The following GALNT13 variants were observed in gnomAD, a reference collection of about 807,000 sequenced individuals.
GALNT13 encodes the protein UDP-GalNAc:polypeptide N-acetylgalactosaminyltransferase 13.
GALNT13 carries 28 observed loss-of-function variants against 64.2 expected under a neutral mutation model. That is an observed-to-expected ratio of 0.44 (90% CI 0.32 to 0.60). The LOEUF (loss-of-function observed/expected upper bound fraction) is 0.60, where lower values mean the gene tolerates loss of function less well. Ranked by LOEUF, GALNT13 falls within the 20% of genes least tolerant of loss-of-function variation. The pLI, the probability that GALNT13 is intolerant of heterozygous loss-of-function variation, is 0.05. For missense variants in GALNT13, 577 were observed against 669.8 expected (o/e 0.86, Z 1.53); for synonymous variants, 214 against 224.6 (o/e 0.95, Z 0.42).
chr2:154,021,339 A>T (rs1372113507), intron 3 of GALNT13, among the ~76,000 whole-genome samples: 1 of 152,156 alleles, frequency 6.6e-6, no homozygotes, highest in African/African-American at 2.4e-5. Context: ...ATGAGCATGG[A>T]ATGTTCTTCC....
At chr2:153,914,123 C>T (rs2105322118) in intron 2 of GALNT13, among the ~76,000 whole-genome samples, 1 of 152,274 alleles carries the variant, frequency 6.6e-6, no homozygotes, top group East Asian at 1.9e-4. Flanking sequence ...AATCTTATAG[C>T]TTTATTGTAT....
chr2:154,288,892 G>A (rs948077578), intron 8 of GALNT13, among the ~76,000 whole-genome samples: 1 of 152,216 alleles, frequency 6.6e-6, no homozygotes, highest in Non-Finnish European at 1.5e-5. Flanking sequence ...ACCATTCTAG[G>A]GTCTGGAGGA....
intron 3 of GALNT13, among the ~76,000 whole-genome samples, chr2:154,068,596 A>C (rs10460324): frequency 6.6e-6 from 1 of 151,752 alleles, no homozygotes; most frequent in Non-Finnish European, 1.5e-5. Context: ...ATTGGAGATC[A>C]TTATGTTAAG....
intron 4 of GALNT13, among the ~76,000 whole-genome samples, chr2:154,174,189 C>T (rs1685521226): frequency 6.6e-6 from 1 of 152,144 alleles, no homozygotes; most frequent in Non-Finnish European, 1.5e-5. Context: ...GTCTCAACCC[C>T]TTCACTGATT....
At chr2:153,256,345 G>A in the GALNT13 span, among the ~76,000 whole-genome samples, 3 of 152,100 alleles carry the variant, frequency 2.0e-5, no homozygotes, top group East Asian at 1.9e-4. Flanking sequence ...TCTCTGTATC[G>A]GTTAGTCTAG....
chr2:153,239,920 A>G, the GALNT13 span, among the ~76,000 whole-genome samples: 1 of 152,148 alleles, frequency 6.6e-6, no homozygotes, highest in Non-Finnish European at 1.5e-5. Flanking sequence ...AATGTTCAGT[A>G]AATATCAGCA....
chr2:153,828,563 C>T, the GALNT13 span, among the ~76,000 whole-genome samples: 1 of 152,174 alleles, frequency 6.6e-6, no homozygotes, highest in Non-Finnish European at 1.5e-5. Context: ...CCCTAGACTA[C>T]ACACAGCATG....
At chr2:153,883,523 A>C (rs569364131) in intron 1 of GALNT13, among the ~76,000 whole-genome samples, 1 of 152,158 alleles carries the variant, frequency 6.6e-6, no homozygotes, top group African/African-American at 2.4e-5. Flanking sequence ...TTTCTTGAAA[A>C]GTTACTCCAG....
At chr2:154,302,374 T>C (rs1338395042) in intron 9 of GALNT13, among the ~76,000 whole-genome samples, 1 of 152,188 alleles carries the variant, frequency 6.6e-6, no homozygotes, top group Non-Finnish European at 1.5e-5. Context: ...TTATGGTCAT[T>C]AGTGTCATTA....
At position 154,385,719 on chromosome 2, in the gene GALNT13, G is replaced by A. The variant is rs538514744; in HGVS notation, c.1157-10272G>A. 5.3e-5 allele frequency among the ~76,000 whole-genome samples: 8 copies of A among 151,984 alleles called. No individual in the cohort carries two copies. In the East Asian group the frequency reaches 9.7e-4, roughly 18 times the overall value. ...GTTTATCTGTTGTTCCAGTACTTCC[G>A]GTGCCTAACTAAACCATACTACTCC... On this transcript the variant is annotated intron_variant, in intron 9 of 12. Coordinates refer to ENST00000392825, the MANE Select transcript of GALNT13 (RefSeq NM_052917.4).
At chr2:154,078,739 A>C (rs1016989545) in intron 3 of GALNT13, among the ~76,000 whole-genome samples, 23 of 151,770 alleles carry the variant, frequency 1.5e-4, no homozygotes, top group Middle Eastern at 3.4e-3. Context: ...TAAATGATAG[A>C]GAATTAATTA....
the GALNT13 span, among the ~76,000 whole-genome samples, chr2:153,654,786 A>G: frequency 6.6e-6 from 1 of 152,126 alleles, no homozygotes; most frequent in Non-Finnish European, 1.5e-5. Flanking sequence ...ATACTATGCC[A>G]TTTACAAAAA....
chr2:153,639,359 A>G, the GALNT13 span, among the ~76,000 whole-genome samples: 1 of 152,164 alleles, frequency 6.6e-6, no homozygotes, highest in African/African-American at 2.4e-5. Flanking sequence ...AGGGAATACA[A>G]TAATTGATAA....
chr2:153,542,343 CAA>C, the GALNT13 span, among the ~76,000 whole-genome samples: 4 of 99,034 alleles, frequency 4.0e-5, no homozygotes, highest in South Asian at 3.7e-4. Context: ...AACAAACAAA[CAA>C]ACACACACAC....
At chr2:153,346,927 C>T in the GALNT13 span, among the ~76,000 whole-genome samples, 1 of 152,054 alleles carries the variant, frequency 6.6e-6, no homozygotes, top group East Asian at 1.9e-4. Flanking sequence ...AAGATCATAC[C>T]AATAGGGCTG....
the GALNT13 span, among the ~76,000 whole-genome samples, chr2:153,564,046 CAA>C: frequency 1.3e-5 from 2 of 152,050 alleles, no homozygotes; most frequent in South Asian, 4.1e-4. Context: ...GTTTTGATAT[CAA>C]AGAGTGCTCC....
At chr2:154,020,072 G>C (rs1408449166) in intron 3 of GALNT13, among the ~76,000 whole-genome samples, 2 of 152,104 alleles carry the variant, frequency 1.3e-5, no homozygotes, top group African/African-American at 4.8e-5. Context: ...TGGTATATAT[G>C]TGCCACATTT....
chr2:154,103,233 A>G (rs954153731), intron 3 of GALNT13, among the ~76,000 whole-genome samples: 3 of 152,174 alleles, frequency 2.0e-5, no homozygotes, highest in Non-Finnish European at 2.9e-5. Flanking sequence ...GCTCATTTCA[A>G]AAGACTGGTC....
chr2:153,887,136 C>A lies in GALNT13; in HGVS notation c.-176-13800C>A, dbSNP rs921708200. On this transcript the variant is annotated intron_variant, in intron 1 of 12. Transcript: ENST00000392825. ...GGTCTCTTTTAAGTGCTTTACATAACATTAACTCATTTAATTCTTACAGCA... is the reference window on the plus strand; with the variant it reads ...GGTCTCTTTTAAGTGCTTTACATAAAATTAACTCATTTAATTCTTACAGCA... Among the ~76,000 whole-genome samples the A allele has an allele frequency of 2.6e-5, 4 of 151,828 alleles. No individual in the cohort carries two copies. The Admixed American group carries it at 2.6e-4, about 10-fold the overall frequency.
Sources: allele counts gnomAD v4.1 joint callset (sites outside exome capture counted in the v4.1 genomes callset), GRCh38; gene constraint gnomAD v4.1.1; transcripts MANE v1.5; gene names NCBI Gene and HGNC (gene_info 2026-07-23, HGNC 2026-07-21).